Variants in CCDC3 observed in about 807,000 individuals in gnomAD.
CCDC3 encodes the protein coiled-coil domain containing 3, also known as coiled-coil domain-containing protein 3.
CCDC3 carries 24 observed loss-of-function variants against 21.4 expected under a neutral mutation model. The ratio of observed to expected loss-of-function variants is 1.12; its 90% confidence interval spans 0.81 to 1.58. The LOEUF (loss-of-function observed/expected upper bound fraction) is 1.58, where lower values mean the gene tolerates loss of function less well. CCDC3 is among the 40% of genes most tolerant of loss of function. The pLI is 0.00. For synonymous variants in CCDC3, 186 were observed against 166.0 expected, an observed-to-expected ratio of 1.12 and a Z score of -0.93; for missense variants, 425 against 360.9, an observed-to-expected ratio of 1.18 and a Z score of -1.44.
intron 3 of CCDC3, among the ~76,000 whole-genome samples, chr10:13,078,578 C>T (rs1041470605): frequency 3.3e-5 from 5 of 152,130 alleles, no homozygotes; most frequent in Non-Finnish European, 7.3e-5. Flanking sequence ...TATTGCGGCA[C>T]TATTCACAAT....
intron 2 of CCDC3, among the ~76,000 whole-genome samples, chr10:12,917,046 C>T (rs1338013186): frequency 6.6e-6 from 1 of 152,158 alleles, no homozygotes; most frequent in African/African-American, 2.4e-5. Flanking sequence ...TTTTCTGGGG[C>T]AGGCCCAGTG....
intron 2 of CCDC3, among the ~76,000 whole-genome samples, chr10:12,969,485 C>G (rs1835308878): frequency 6.6e-6 from 1 of 151,288 alleles, no homozygotes; most frequent in Admixed American, 6.6e-5. Flanking sequence ...ATAGAATTAC[C>G]CAAGGTAATT....
chr10:13,044,224 T>C (rs1836496408), intron 5 of CCDC3, among the ~76,000 whole-genome samples: 1 of 152,210 alleles, frequency 6.6e-6, no homozygotes, highest in Non-Finnish European at 1.5e-5. Context: ...GCTTGTTGAA[T>C]TGTTTAAGTT....
chr10:12,960,328 GTGTCGTC>G (rs1208918300), intron 2 of CCDC3, among the ~76,000 whole-genome samples: 2 of 152,292 alleles, frequency 1.3e-5, no homozygotes, highest in South Asian at 2.1e-4. Context: ...ATCTTTGAGT[GTGTCGTC>G]TGTGTGTGTT....
At chr10:13,080,958 G>A (rs1204002236) in intron 3 of CCDC3, among the ~76,000 whole-genome samples, 1 of 152,252 alleles carries the variant, frequency 6.6e-6, no homozygotes, top group Non-Finnish European at 1.5e-5. Flanking sequence ...GAGAGGCCGA[G>A]ACCTCGAGAG....
chr10:12,940,267 G>A (rs1834807263), intron 2 of CCDC3, among the ~76,000 whole-genome samples: 1 of 132,050 alleles, frequency 7.6e-6, no homozygotes, highest in South Asian at 2.4e-4. Flanking sequence ...CCAAACTCCA[G>A]TTTACTGTTT....
intron 3 of CCDC3, among the ~76,000 whole-genome samples, chr10:13,087,520 C>A (rs955878519): frequency 1.3e-5 from 2 of 151,988 alleles, no homozygotes; most frequent in African/African-American, 4.8e-5. Flanking sequence ...TAACAGAAGA[C>A]CAGATAGAAG....
At chr10:13,031,540 A>G (rs1461063697) in intron 5 of CCDC3, among the ~76,000 whole-genome samples, 11 of 152,206 alleles carry the variant, frequency 7.2e-5, no homozygotes, top group Non-Finnish European at 1.0e-4. Context: ...ACCTTCAAAA[A>G]ATCAATAAAT....
chr10:12,913,614 T>C (rs1414615061), intron 2 of CCDC3, among the ~76,000 whole-genome samples: 1 of 152,254 alleles, frequency 6.6e-6, no homozygotes, highest in East Asian at 1.9e-4. Context: ...CTTCCAGTAC[T>C]ATGTTGAATA....
At chr10:13,098,709 G>GTTTTTTT (rs1564348313) in intron 2 of CCDC3, 13 of 59,472 alleles carry the variant, frequency 2.2e-4, no homozygotes, top group South Asian at 5.7e-4. Context: ...TTCCTGCACT[G>GTTTTTTT]ATTTTTTTTT....
At chr10:12,905,723 C>T (rs777571027) in intron 2 of CCDC3, among the ~76,000 whole-genome samples, 10 of 152,222 alleles carry the variant, frequency 6.6e-5, no homozygotes, top group South Asian at 2.1e-4. Flanking sequence ...CTTCCCAGCA[C>T]GACTGACTGT....
intron 2 of CCDC3, among the ~76,000 whole-genome samples, chr10:12,953,970 G>T (rs1168751651): frequency 6.6e-6 from 1 of 152,092 alleles, no homozygotes; most frequent in Non-Finnish European, 1.5e-5. Flanking sequence ...AGGACAATTA[G>T]TAAACAACTG....
chr10:12,935,881 G>A (rs892893393), intron 2 of CCDC3, among the ~76,000 whole-genome samples: 1 of 152,164 alleles, frequency 6.6e-6, no homozygotes, highest in African/African-American at 2.4e-5. Flanking sequence ...GGTGGTACAA[G>A]TACCTTATAA....
At chr10:13,078,085 GA>G (rs1166245630) in intron 3 of CCDC3, among the ~76,000 whole-genome samples, 1 of 152,092 alleles carries the variant, frequency 6.6e-6, no homozygotes, top group Non-Finnish European at 1.5e-5. Flanking sequence ...CTACAGAATG[GA>G]AGAAAATTTT....
chr10:13,096,309 A>G (rs1832628866), intron 3 of CCDC3, among the ~76,000 whole-genome samples: 1 of 151,882 alleles, frequency 6.6e-6, no homozygotes, highest in Non-Finnish European at 1.5e-5. Context: ...TCAGCCTCTC[A>G]AGTAGCTGAG....
chr10:12,908,954 T>A (rs10795993), intron 2 of CCDC3, among the ~76,000 whole-genome samples: 50,026 of 151,972 alleles, frequency 0.33, 9,813 homozygotes, highest in African/African-American at 0.56. Flanking sequence ...TGTCCAGGTG[T>A]AGTGGGAAGG....
rs66476163 is a variant in CCDC3 at position 13,090,034 on chromosome 10, GATATAT to G, written c.-503+8485_-503+8490del. ...TTTATGGCTGAGTAGTATTCCGTTA[GATATAT>G]ATATATATATATATATATATATATA... is the stretch of plus-strand genomic sequence containing the variant. On this transcript the variant is annotated intron_variant, in intron 3 of 6. Transcript: ENST00000378839. Among the ~76,000 whole-genome samples the G allele has an allele frequency of 8.1e-3, 1,046 of 129,082 alleles. 14 individuals carry two copies. The highest frequency in any genetic ancestry group is 0.013 in the South Asian group (53 of 4,100). 84.7% of individuals were successfully genotyped at this position (129,082 alleles called of 152,430 possible).
intron 3 of CCDC3, among the ~76,000 whole-genome samples, chr10:13,090,443 T>A (rs1436342987): frequency 6.6e-6 from 1 of 152,168 alleles, no homozygotes. Context: ...GTTCCACATT[T>A]TTGCAATTGC....
chr10:12,923,215 G>A (rs78501401), intron 2 of CCDC3, among the ~76,000 whole-genome samples: 7,999 of 152,186 alleles, frequency 0.053, 235 homozygotes, highest in Non-Finnish European at 0.071. Flanking sequence ...TCGTCTGTTT[G>A]GGGAACACAG....
Sources: gnomAD v4.1 joint callset for allele counts (sites outside exome capture counted in the v4.1 genomes callset) on GRCh38, gnomAD v4.1.1 for gene constraint, MANE v1.5 for transcripts, NCBI Gene and HGNC (gene_info 2026-07-23, HGNC 2026-07-21) for gene names.